KMT2C: variants seen among roughly 807,000 people sequenced by gnomAD.
KMT2C encodes the protein lysine methyltransferase 2C.
KMT2C carries 88 observed loss-of-function variants against 507.9 expected under a neutral mutation model. The ratio of observed to expected loss-of-function variants is 0.17; its 90% CI spans 0.15 to 0.21. The LOEUF is 0.21. KMT2C is among the 10% of genes least tolerant of loss of function. The pLI, the probability that KMT2C is intolerant of heterozygous loss-of-function variation, is 1.00. For missense variants in KMT2C, 4,954 were observed against 5,957.8 expected (o/e 0.83, Z 5.55); for synonymous variants, 2,049 against 2,080.8 (o/e 0.98, Z 0.42).
At chr7:152,161,997 TG>T in intron 43 of KMT2C, 119 bp downstream of exon 43, 1 of 1,145,664 alleles carries the variant, frequency 8.7e-7, no homozygotes, top group Non-Finnish European at 1.1e-6. Context: ...AAATAAAAAA[TG>T]GTCCTTTAGA....
At chr7:152,313,167 T>G (rs951024233) in intron 4 of KMT2C, among the ~76,000 whole-genome samples, 23 of 152,012 alleles carry the variant, frequency 1.5e-4, no homozygotes, top group African/African-American at 5.6e-4. Context: ...GAGAACAAAT[T>G]CTTTCCTATA....
intron 9 of KMT2C, among the ~76,000 whole-genome samples, chr7:152,258,065 A>T (rs2095691727): frequency 6.6e-6 from 1 of 152,206 alleles, no homozygotes; most frequent in South Asian, 2.1e-4. Flanking sequence ...AACACCCTTC[A>T]GTAGCAATGA....
intron 2 of KMT2C, among the ~76,000 whole-genome samples, chr7:152,356,306 G>A (rs1473334355): frequency 6.6e-6 from 1 of 152,192 alleles, no homozygotes; most frequent in Non-Finnish European, 1.5e-5. Context: ...CGGGCATAGT[G>A]GCTCACGCCT....
At chr7:152,434,133 C>T (rs1444953825) in intron 1 of KMT2C, among the ~76,000 whole-genome samples, 6 of 152,204 alleles carry the variant, frequency 3.9e-5, no homozygotes, top group Non-Finnish European at 8.8e-5. Context: ...CCTCCACTTC[C>T]TTCTACAAAT....
At chr7:152,225,193 A>G (rs552074292) in intron 18 of KMT2C, among the ~76,000 whole-genome samples, 1 of 152,242 alleles carries the variant, frequency 6.6e-6, no homozygotes, top group East Asian at 1.9e-4. Context: ...TCCCTAATAA[A>G]CTCCTGAAGG....
intron 46 of KMT2C, 58 bp from the exon 47 acceptor site, chr7:152,154,503 G>C: frequency 7.5e-6 from 11 of 1,460,582 alleles, no homozygotes; most frequent in Non-Finnish European, 1.0e-5. Context: ...GGGGCTTCCT[G>C]TACCAACCCT....
intron 1 of KMT2C, among the ~76,000 whole-genome samples, chr7:152,401,736 G>C (rs2097575534): frequency 6.6e-6 from 1 of 152,246 alleles, no homozygotes; most frequent in Admixed American, 6.5e-5. Flanking sequence ...GTACAATACA[G>C]CGCATAACTG....
chr7:152,426,333 G>A (rs1304927368), intron 1 of KMT2C, among the ~76,000 whole-genome samples: 1 of 150,916 alleles, frequency 6.6e-6, no homozygotes, highest in Non-Finnish European at 1.5e-5. Flanking sequence ...CAACTCCTGG[G>A]CTCAAGCAAT....
At chr7:152,336,369 C>T (rs1589271644) in intron 2 of KMT2C, among the ~76,000 whole-genome samples, 1 of 152,072 alleles carries the variant, frequency 6.6e-6, no homozygotes, top group Non-Finnish European at 1.5e-5. Flanking sequence ...TCTCCTAATC[C>T]TAGTCTTCAA....
rs1421662021 is a variant in KMT2C, at chr7:152,135,679, G to C, written c.*1153C>G. 4 of 226,814 alleles carry C rather than the reference G, an allele frequency of 1.8e-5. No individual in the cohort carries two copies. The Admixed American group carries it at 2.3e-4, about 13-fold the overall frequency. The allele number at this position is 226,814 out of a possible 1,614,324, so 14.1% of individuals were successfully genotyped here. A position where few individuals can be genotyped will look rare whatever the true frequency, so the allele number is the denominator to read the frequency against. On this transcript the variant is annotated 3_prime_UTR_variant, in exon 59 of 59. Coordinates refer to ENST00000262189, the MANE Select transcript of KMT2C (RefSeq NM_170606.3). ...GAAAAAATTCAGCCTCCATTTGGGTGTATTTTTAAGCAGTTATTCACAGTT... is the reference window on the plus strand; with the variant it reads ...GAAAAAATTCAGCCTCCATTTGGGTCTATTTTTAAGCAGTTATTCACAGTT...
At position 152,252,713 on chromosome 7, in the gene KMT2C, A is replaced by G. The variant is rs367910602; in HGVS notation, c.1302T>C (p.Asn434=). 1.3e-5 allele frequency: 20 copies of G among 1,585,920 alleles called. No individual in the cohort carries two copies. Among genetic ancestry groups the G allele is most frequent in the Non-Finnish European group, 1.7e-5 (20 of 1,161,182 alleles). The change falls in exon 10 of 59, where the codon AAT becomes AAC. Residue 434 remains asparagine, a splice_region_variant and synonymous_variant. Coordinates refer to ENST00000262189, the MANE Select transcript of KMT2C (RefSeq NM_170606.3). Reference sequence around the variant, plus strand: ...TGCCACACTCTATACATATTCTGCAATTCTAAACACCAGGAAAAATAAAAA... The same window carrying G: ...TGCCACACTCTATACATATTCTGCAGTTCTAAACACCAGGAAAAATAAAAA... ...SVPTNGWKCK[N]CRICIECGTR...
chr7:152,347,481 T>C (rs544210827), intron 2 of KMT2C, among the ~76,000 whole-genome samples: 2 of 152,364 alleles, frequency 1.3e-5, no homozygotes, highest in South Asian at 2.1e-4. Context: ...TGCTCAAAGA[T>C]GATTGGTATC....
chr7:152,298,834 C>T (rs139278547), intron 6 of KMT2C, among the ~76,000 whole-genome samples: 1,833 of 152,166 alleles, frequency 0.012, 42 homozygotes, highest in African/African-American at 0.042. Context: ...AAGTCAAATG[C>T]ATGGCAGCAA....
intron 5 of KMT2C, 110 bp downstream of exon 5, chr7:152,311,688 T>A: frequency 1.3e-6 from 1 of 774,548 alleles, no homozygotes; most frequent in East Asian, 2.8e-5. Context: ...ATAGTATGAT[T>A]ATAATTATTT....
chr7:152,193,652 G>A (rs1220739869), intron 31 of KMT2C, among the ~76,000 whole-genome samples: 3 of 152,162 alleles, frequency 2.0e-5, no homozygotes, highest in Non-Finnish European at 2.9e-5. Flanking sequence ...GCAGATCAAT[G>A]AGTACAGGCA....
At chr7:152,142,028 G>A (rs2090623450) in intron 55 of KMT2C, among the ~76,000 whole-genome samples, 1 of 152,168 alleles carries the variant, frequency 6.6e-6, no homozygotes, top group African/African-American at 2.4e-5. Context: ...TCTCAAAGAA[G>A]AAGAAAGAAA....
intron 1 of KMT2C, among the ~76,000 whole-genome samples, chr7:152,399,704 G>C (rs932801578): frequency 2.0e-5 from 3 of 151,700 alleles, no homozygotes; most frequent in African/African-American, 7.3e-5. Context: ...AATTACAATA[G>C]AGTTGACAGG....
Position 152,177,160 on chromosome 7 carries a change from C to T in KMT2C, c.8293G>A (p.Asp2765Asn), listed in dbSNP as rs1563258784. The T allele has an allele frequency of 6.2e-7, 1 of 1,613,864 alleles. No individual in the cohort carries two copies. The highest frequency in any genetic ancestry group is 1.7e-5 in the Admixed American group (1 of 60,024). Residue 2765 changes from aspartate (D) to asparagine (N), a missense_variant, in exon 38 of 59, where the codon GAC (aspartate) becomes AAC (asparagine). Asp to Asn is a conservative substitution (Grantham distance 23, BLOSUM62 1). Coordinates refer to ENST00000262189, the MANE Select transcript of KMT2C (RefSeq NM_170606.3). ...AACATGCTTTTCTTATCTCCCATGT[C>T]AAGTTCTGGATCTGTATATGCAATG... ...DIIAYTDPEL[D>N]MGDKKSMFNE...
At position 152,176,224 on chromosome 7, in the gene KMT2C, G is replaced by A. The variant is rs145953124; in HGVS notation, c.9229C>T (p.Arg3077Cys). Residue 3077 changes from arginine to cysteine, a missense_variant, in exon 38 of 59, where the codon CGT (arginine) becomes TGT (cysteine). By Grantham distance (180) the Arg-to-Cys change is radical. This residue lies in a region of KMT2C where 1,689 missense variants were observed against 1,654.3 expected (regional missense o/e 1.02). Coordinates refer to ENST00000262189, the MANE Select transcript of KMT2C (RefSeq NM_170606.3). ...GGGAAGAACGGTTCTGATCGCTGAC[G>A]AATCATGGCTTGCATCTGTCTTTGC... is the stretch of plus-strand genomic sequence containing the variant. ...QQQRQMQAMI[R>C]QRSEPFFPNI... 24 of 1,611,306 alleles carry A rather than the reference G, an allele frequency of 1.5e-5. No individual in the cohort carries two copies. In the African/African-American group the frequency reaches 2.4e-4, roughly 16 times the overall value.
Sources: gnomAD v4.1 joint callset for allele counts (sites outside exome capture counted in the v4.1 genomes callset) on GRCh38, gnomAD v4.1.1 for gene constraint, gnomAD v4.1.1 regional missense constraint, MANE v1.5 for transcripts, NCBI Gene and HGNC (gene_info 2026-07-23, HGNC 2026-07-21) for gene names.